LEPROTL1: variants seen among roughly 807,000 people sequenced by gnomAD.
The protein encoded by LEPROTL1 is leptin receptor overlapping transcript like 1.
LEPROTL1 carries 6 observed loss-of-function variants against 15.4 expected under a neutral mutation model. The ratio of observed to expected loss-of-function variants is 0.39; its 90% CI spans 0.21 to 0.77. The LOEUF (loss-of-function observed/expected upper bound fraction) is 0.77, where lower values mean the gene tolerates loss of function less well. Among genes scored for constraint, LEPROTL1 ranks in the 30% least tolerant of loss-of-function variants. The pLI is 0.41. For synonymous variants in LEPROTL1, 56 were observed against 52.6 expected (o/e 1.06, Z -0.28); for missense variants, 128 against 158.1 (o/e 0.81, Z 1.02).
At chr8:30,100,191 G>T (rs1393467120) in intron 1 of LEPROTL1, among the ~76,000 whole-genome samples, 1 of 150,872 alleles carries the variant, frequency 6.6e-6, no homozygotes, top group Non-Finnish European at 1.5e-5. Flanking sequence ...ATGTCATGGG[G>T]TGTCCTTGAT....
chr8:30,132,487 T>G, exon 4 of LEPROTL1: 1 of 1,551,704 alleles, frequency 6.4e-7, no homozygotes. Flanking sequence ...GTGGGAGTAG[T>G]AGGTGAGCTT....
chr8:30,130,937 G>A (rs1468953700), intron 3 of LEPROTL1, among the ~76,000 whole-genome samples: 3 of 151,478 alleles, frequency 2.0e-5, no homozygotes, highest in East Asian at 1.9e-4. Flanking sequence ...CCACCACCAC[G>A]CCCGGCTAAT....
At chr8:30,132,553 G>A (rs752092925) in intron 4 of LEPROTL1, 10 of 1,551,698 alleles carry the variant, frequency 6.4e-6, no homozygotes, top group East Asian at 2.4e-5. Flanking sequence ...CTGGCAATCA[G>A]TCAGTCCCGC....
chr8:30,101,369 T>TA (rs1802463575), intron 1 of LEPROTL1, among the ~76,000 whole-genome samples: 1 of 152,106 alleles, frequency 6.6e-6, no homozygotes, highest in South Asian at 2.1e-4. Context: ...GTTAGAGCTT[T>TA]AAAAATCGGT....
intron 1 of LEPROTL1, chr8:30,096,390 G>GCT: frequency 1.0e-6 from 1 of 985,248 alleles, no homozygotes; most frequent in Non-Finnish European, 1.2e-6. Flanking sequence ...TTGACCTGCC[G>GCT]CTCTGTAGAA....
At chr8:30,131,645 C>T (rs1467477724) in intron 3 of LEPROTL1, among the ~76,000 whole-genome samples, 2 of 152,130 alleles carry the variant, frequency 1.3e-5, no homozygotes, top group Non-Finnish European at 2.9e-5. Context: ...CGTTTGCCAT[C>T]TGGTTCATAG....
chr8:30,098,303 T>C (rs1342715929), intron 1 of LEPROTL1, among the ~76,000 whole-genome samples: 3 of 152,216 alleles, frequency 2.0e-5, no homozygotes, highest in African/African-American at 7.2e-5. Context: ...GAATTACCTA[T>C]TGAAAAATAT....
intron 3 of LEPROTL1, among the ~76,000 whole-genome samples, chr8:30,127,831 A>G (rs552410917): frequency 6.6e-6 from 1 of 152,032 alleles, no homozygotes; most frequent in Non-Finnish European, 1.5e-5. Flanking sequence ...AAGTGAGGTC[A>G]GAGAACATTA....
intron 1 of LEPROTL1, among the ~76,000 whole-genome samples, chr8:30,100,510 C>G (rs758228257): frequency 7.9e-5 from 12 of 152,130 alleles, no homozygotes; most frequent in Non-Finnish European, 1.3e-4. Context: ...AATGCAAAGG[C>G]GCAGTCTAGG....
intron 3 of LEPROTL1, among the ~76,000 whole-genome samples, chr8:30,115,708 T>G: frequency 6.6e-6 from 1 of 152,032 alleles, no homozygotes; most frequent in Non-Finnish European, 1.5e-5. Context: ...AACCTGTAAG[T>G]GGCAAATAAA....
At chr8:30,131,003 C>T (rs1461458632) in intron 3 of LEPROTL1, among the ~76,000 whole-genome samples, 3 of 151,874 alleles carry the variant, frequency 2.0e-5, no homozygotes, top group African/African-American at 7.3e-5. Flanking sequence ...TGGTCTTGAA[C>T]TGCTGACCTT....
At position 30,137,011 on chromosome 8, in the gene LEPROTL1, T is replaced by TA. The variant is rs1230406192; in HGVS notation, c.395-250dup. Among the ~76,000 whole-genome samples the TA allele has an allele frequency of 2.8e-3, 413 of 147,668 alleles. 2 individuals carry two copies. The highest frequency in any genetic ancestry group is 7.0e-3 in the Middle Eastern group (2 of 284). On this transcript the variant is annotated intron_variant, in intron 4 of 4. Coordinates refer to the LEPROTL1 transcript ENST00000442880. The stretch of plus-strand genomic sequence containing the variant: ...CTGAAAATAGTCTTTACAGGAAAAT[T>TA]AAAAAAAAAAATTCTAGGTATAGTC...
chr8:30,099,374 G>A lies in LEPROTL1; in HGVS notation c.17-2524G>A, dbSNP rs543726256. Among the ~76,000 whole-genome samples, 12 of 151,822 alleles carry A rather than the reference G, an allele frequency of 7.9e-5. No homozygotes were observed. In the East Asian group the frequency reaches 1.2e-3, roughly 15 times the overall value. On this transcript the variant is annotated intron_variant, in intron 1 of 3. Transcript: ENST00000321250. ...TTTGGGAGGCCAAGGTGGGCAGATC[G>A]TGAGGTCAAGAGATGGAGACCATCC...
rs1802577143 is a variant in LEPROTL1 at position 30,106,916 on chromosome 8, G to C, written c.*1054G>C. The C allele has an allele frequency of 2.0e-6, 2 of 984,898 alleles. No homozygotes were observed. The highest frequency in any genetic ancestry group is 2.3e-4 in the East Asian group (2 of 8,826). 61.0% of individuals were successfully genotyped at this position (984,898 alleles called of 1,614,324 possible). On this transcript the variant is annotated 3_prime_UTR_variant, in exon 4 of 4. Coordinates refer to ENST00000321250, the MANE Select transcript of LEPROTL1 (RefSeq NM_015344.3). ...AACACTTAGAAGTGTTTACTTACCT[G>C]GAAAATAATTGCTATGCCGTACATT...
chr8:30,113,107 C>CAA (rs578198019), downstream of LEPROTL1, among the ~76,000 whole-genome samples: 15 of 95,420 alleles, frequency 1.6e-4, no homozygotes, highest in Admixed American at 5.5e-4. Flanking sequence ...CCCGTCTCTC[C>CAA]AAAAAAAAAA....
chr8:30,103,858 T>C (rs916761693), intron 2 of LEPROTL1, among the ~76,000 whole-genome samples: 2 of 152,104 alleles, frequency 1.3e-5, no homozygotes, highest in African/African-American at 2.4e-5. Context: ...GGGCATCTAT[T>C]TCTTTTTAAC....
chr8:30,127,502 T>G (rs1324450119), intron 3 of LEPROTL1, among the ~76,000 whole-genome samples: 2 of 152,136 alleles, frequency 1.3e-5, no homozygotes, highest in Non-Finnish European at 2.9e-5. Context: ...CAGAGACAGC[T>G]GGCCCCATCC....
At chr8:30,131,037 G>T (rs528621248) in intron 3 of LEPROTL1, among the ~76,000 whole-genome samples, 1 of 151,524 alleles carries the variant, frequency 6.6e-6, no homozygotes, top group East Asian at 1.9e-4. Context: ...CTTGTGATCC[G>T]CCCGTCTCGG....
At chr8:30,135,850 G>T (rs1803127813) in intron 4 of LEPROTL1, among the ~76,000 whole-genome samples, 1 of 150,792 alleles carries the variant, frequency 6.6e-6, no homozygotes, top group African/African-American at 2.4e-5. Context: ...GGAGGTCGAG[G>T]CTGCAGTGAG....
Sources: gnomAD v4.1 joint callset for allele counts (sites outside exome capture counted in the v4.1 genomes callset) on GRCh38, gnomAD v4.1.1 for gene constraint, MANE v1.5 for transcripts, NCBI Gene and HGNC (gene_info 2026-07-23, HGNC 2026-07-21) for gene names.